MARCHF1: variants seen among roughly 807,000 people sequenced by gnomAD.
MARCHF1 encodes the protein E3 ubiquitin-protein ligase MARCHF1.
A neutral mutation model predicts 54.2 loss-of-function variants in MARCHF1; 40 were observed. That is an observed-to-expected ratio of 0.74 (90% CI 0.57 to 0.96). MARCHF1 has a LOEUF of 0.96. Among genes scored for constraint, MARCHF1 ranks in the 40% least tolerant of loss-of-function variants. The pLI is 0.00. For missense variants in MARCHF1, 586 were observed against 656.5 expected (o/e 0.89, Z 1.17); for synonymous variants, 236 against 236.3 (o/e 1.00, Z 0.01).
rs1002154993 is a variant in MARCHF1 at position 164,236,832 on chromosome 4, G to A, written c.-322-125170C>T. On this transcript the variant is annotated intron_variant, in intron 1 of 9. Coordinates refer to ENST00000514618, the MANE Select transcript of MARCHF1 (RefSeq NM_001394959.1). ...ACCTTTCAAGTAGCAGCTTTGAAATGTAAAAACTATAATTTCTCTCTGACC... is the reference window on the plus strand; with the variant it reads ...ACCTTTCAAGTAGCAGCTTTGAAATATAAAAACTATAATTTCTCTCTGACC... Among the ~76,000 whole-genome samples, 10 of 152,240 alleles carry A rather than the reference G, an allele frequency of 6.6e-5. No homozygotes were observed. The South Asian group carries it at 1.0e-3, about 16-fold the overall frequency.
At chr4:164,274,576 T>C (rs912871783) in intron 1 of MARCHF1, among the ~76,000 whole-genome samples, 1 of 151,604 alleles carries the variant, frequency 6.6e-6, no homozygotes, top group African/African-American at 2.4e-5. Flanking sequence ...TAAAGAGACT[T>C]AGTGCTGATT....
intron 4 of MARCHF1, among the ~76,000 whole-genome samples, chr4:163,761,515 A>T (rs1441771673): frequency 8.7e-6 from 1 of 114,546 alleles, no homozygotes; most frequent in Middle Eastern, 3.6e-3. Context: ...ATTGAATATT[A>T]AGTGGAAGAA....
chr4:163,926,298 G>C (rs907820095), intron 3 of MARCHF1, among the ~76,000 whole-genome samples: 1 of 151,604 alleles, frequency 6.6e-6, no homozygotes, highest in Non-Finnish European at 1.5e-5. Context: ...TGTACTGTAA[G>C]ATTCATCCAC....
At chr4:164,249,494 A>G (rs1219963595) in intron 1 of MARCHF1, among the ~76,000 whole-genome samples, 2 of 152,054 alleles carry the variant, frequency 1.3e-5, no homozygotes, top group East Asian at 3.9e-4. Context: ...CAAGAAAGAA[A>G]AAGAGAGATG....
intron 4 of MARCHF1, among the ~76,000 whole-genome samples, chr4:163,727,676 CT>C (rs1246359393): frequency 4.1e-5 from 6 of 145,184 alleles, no homozygotes; most frequent in African/African-American, 7.6e-5. Flanking sequence ...AAGGTGTTTT[CT>C]TTTTTTTTTC....
intron 1 of MARCHF1, among the ~76,000 whole-genome samples, chr4:164,364,049 T>C (rs1730804460): frequency 6.6e-6 from 1 of 152,112 alleles, no homozygotes; most frequent in South Asian, 2.1e-4. Context: ...TTATATTGCG[T>C]AAACATCTAG....
intron 4 of MARCHF1, among the ~76,000 whole-genome samples, chr4:163,717,921 C>T (rs1166392108): frequency 6.6e-6 from 1 of 152,070 alleles, no homozygotes; most frequent in Non-Finnish European, 1.5e-5. Context: ...GCTGCAGTAA[C>T]CAAAACAGCA....
chr4:163,753,066 T>G (rs1051073771), intron 4 of MARCHF1, among the ~76,000 whole-genome samples: 2 of 152,144 alleles, frequency 1.3e-5, no homozygotes, highest in Admixed American at 6.5e-5. Flanking sequence ...GATATTCTTC[T>G]GCATCTACTC....
chr4:164,201,087 C>T (rs1731439383), intron 1 of MARCHF1, among the ~76,000 whole-genome samples: 1 of 152,176 alleles, frequency 6.6e-6, no homozygotes, highest in African/African-American at 2.4e-5. Flanking sequence ...CTGAAAGCAA[C>T]TCTTATTTTC....
intron 2 of MARCHF1, among the ~76,000 whole-genome samples, chr4:164,043,664 A>C (rs1174009967): frequency 6.6e-6 from 1 of 152,214 alleles, no homozygotes; most frequent in African/African-American, 2.4e-5. Context: ...TTCTACAGCC[A>C]GTTTGAATTT....
intron 5 of MARCHF1, among the ~76,000 whole-genome samples, chr4:163,616,718 A>AACACAC (rs139197153): frequency 2.7e-5 from 4 of 150,856 alleles, no homozygotes; most frequent in African/African-American, 9.7e-5. Flanking sequence ...TGTCTCTGAA[A>AACACAC]ACACACACAC....
rs186645831 is a variant in MARCHF1, at chr4:164,104,934, A to G, written c.-248+6654T>C. ...TCAGCAAAGTCTCAGATATAAAATC[A>G]ATGTACAAAAATCACAAGCATTCTT... On this transcript the variant is annotated intron_variant, in intron 2 of 9. Coordinates refer to ENST00000514618, the MANE Select transcript of MARCHF1 (RefSeq NM_001394959.1). Among the ~76,000 whole-genome samples the G allele has an allele frequency of 5.1e-3, 335 of 65,300 alleles. 140 individuals carry two copies. The highest frequency in any genetic ancestry group is 2.7e-3 in the Non-Finnish European group (54 of 20,210). 42.8% of individuals were successfully genotyped at this position (65,300 alleles called of 152,430 possible).
At chr4:163,665,717 A>G (rs1294520028) in intron 5 of MARCHF1, among the ~76,000 whole-genome samples, 1 of 152,136 alleles carries the variant, frequency 6.6e-6, no homozygotes, top group African/African-American at 2.4e-5. Context: ...CTAAGTAGAA[A>G]TCTGACCACT....
chr4:163,649,261 A>G (rs1331871322), intron 5 of MARCHF1, among the ~76,000 whole-genome samples: 1 of 152,018 alleles, frequency 6.6e-6, no homozygotes, highest in Non-Finnish European at 1.5e-5. Flanking sequence ...GACTTATATC[A>G]TACAAAAAGG....
intron 3 of MARCHF1, among the ~76,000 whole-genome samples, chr4:163,954,952 T>C (rs139172014): frequency 4.0e-4 from 61 of 152,216 alleles, no homozygotes; most frequent in African/African-American, 1.4e-3. Context: ...TGTTAATCTT[T>C]TTACAAAAGT....
At position 163,531,667 on chromosome 4, in the gene MARCHF1, T is replaced by C. The variant is rs539346314; in HGVS notation, c.1340-2621A>G. ...AAACTATCTTTGTTCACAAATGATA[T>C]GATTATGTATAAAATCTCAAAGAAC... On this transcript the variant is annotated intron_variant, in intron 9 of 9. Coordinates refer to ENST00000514618, the MANE Select transcript of MARCHF1 (RefSeq NM_001394959.1). Among the ~76,000 whole-genome samples the C allele has an allele frequency of 2.6e-5, 4 of 152,010 alleles. No homozygotes were observed. In the East Asian group the frequency reaches 7.7e-4, roughly 29 times the overall value.
chr4:164,101,347 A>G (rs1755553535), intron 2 of MARCHF1, among the ~76,000 whole-genome samples: 1 of 144,388 alleles, frequency 6.9e-6, no homozygotes, highest in Non-Finnish European at 1.5e-5. Context: ...TAACCTCTGC[A>G]GACTTAAATG....
At chr4:164,328,591 G>A (rs1265365036) in intron 1 of MARCHF1, among the ~76,000 whole-genome samples, 2 of 151,246 alleles carry the variant, frequency 1.3e-5, no homozygotes, top group East Asian at 1.9e-4. Flanking sequence ...GTGCAATGGT[G>A]CAATCTAGGC....
intron 1 of MARCHF1, among the ~76,000 whole-genome samples, chr4:164,359,873 C>T (rs1389034273): frequency 6.6e-6 from 1 of 152,056 alleles, no homozygotes; most frequent in Non-Finnish European, 1.5e-5. Flanking sequence ...GGGAGTAGGG[C>T]CCAGAAATCT....
Sources: gnomAD v4.1 joint callset for allele counts (sites outside exome capture counted in the v4.1 genomes callset) on GRCh38, gnomAD v4.1.1 for gene constraint, MANE v1.5 for transcripts, NCBI Gene and HGNC (gene_info 2026-07-23, HGNC 2026-07-21) for gene names.